The following MYO1E variants were observed in gnomAD, a reference collection of about 807,000 sequenced individuals.
The protein encoded by MYO1E is myosin IE.
In MYO1E, 68 loss-of-function variants were observed where a neutral mutation model predicts 151.1. The ratio of observed to expected loss-of-function variants is 0.45; its 90% CI spans 0.37 to 0.55. The LOEUF (loss-of-function observed/expected upper bound fraction) is 0.55. MYO1E is among the 20% of genes least tolerant of loss of function. The pLI is 0.00. For missense variants in MYO1E, 1,363 were observed against 1,389.3 expected (o/e 0.98, Z 0.30); for synonymous variants, 601 against 501.7 (o/e 1.20, Z -2.64).
chr15:59,287,999 C>T (rs147653657), intron 1 of MYO1E, among the ~76,000 whole-genome samples: 49 of 152,328 alleles, frequency 3.2e-4, no homozygotes, highest in Middle Eastern at 3.4e-3. Context: ...AGGCGCTCAG[C>T]GAGCCTGCCA....
chr15:59,259,562 A>C (rs1382921467), intron 3 of MYO1E, among the ~76,000 whole-genome samples: 1 of 152,208 alleles, frequency 6.6e-6, no homozygotes, highest in African/African-American at 2.4e-5. Flanking sequence ...GTGCACAAAC[A>C]ACATTAATGA....
chr15:59,149,058 T>G lies in MYO1E; in HGVS notation c.3080+4532A>C, dbSNP rs77658070. Reference sequence around the variant, plus strand: ...GAACTGTTTTTTTTTTTTTGTTTTTTTTTTTTTTTTTTTTTTGAGACAGAG... The same window carrying G: ...GAACTGTTTTTTTTTTTTTGTTTTTGTTTTTTTTTTTTTTTTGAGACAGAG... On this transcript the variant is annotated intron_variant, in intron 26 of 27. Coordinates refer to ENST00000288235, the MANE Select transcript of MYO1E (RefSeq NM_004998.4). Among the ~76,000 whole-genome samples, 123 of 139,778 alleles carry G rather than the reference T, an allele frequency of 8.8e-4. 2 individuals carry two copies. The highest frequency in any genetic ancestry group is 2.5e-3 in the South Asian group (11 of 4,370). 91.7% of individuals were successfully genotyped at this position (139,778 alleles called of 152,430 possible). A position where few individuals can be genotyped will look rare whatever the true frequency, so the allele number is the denominator to read the frequency against.
chr15:59,334,010 G>A (rs906536703), intron 1 of MYO1E, among the ~76,000 whole-genome samples: 2 of 152,142 alleles, frequency 1.3e-5, no homozygotes, highest in African/African-American at 4.8e-5. Flanking sequence ...AGAACCTCTC[G>A]TCAGTGGGGC....
At chr15:59,242,353 A>G (rs1174055021) in intron 4 of MYO1E, among the ~76,000 whole-genome samples, 4 of 152,226 alleles carry the variant, frequency 2.6e-5, no homozygotes, top group Non-Finnish European at 5.9e-5. Flanking sequence ...AAGGAAATGT[A>G]CAGTGACTGG....
At chr15:59,322,182 A>T (rs537413829) in intron 1 of MYO1E, among the ~76,000 whole-genome samples, 42 of 74,124 alleles carry the variant, frequency 5.7e-4, no homozygotes, top group African/African-American at 2.9e-3. Flanking sequence ...CTCAAAAATT[A>T]AAAAAAAAAA....
intron 26 of MYO1E, among the ~76,000 whole-genome samples, chr15:59,139,695 CCT>C (rs2079397632): frequency 1.3e-5 from 2 of 151,504 alleles, no homozygotes; most frequent in Admixed American, 1.3e-4. Flanking sequence ...CCCTCCTACC[CCT>C]CATTATTACT....
intron 22 of MYO1E, among the ~76,000 whole-genome samples, chr15:59,165,515 T>C (rs1252934675): frequency 1.1e-4 from 17 of 152,292 alleles, no homozygotes; most frequent in African/African-American, 3.8e-4. Flanking sequence ...CCTGTGATAG[T>C]TGGGATCAAG....
chr15:59,360,708 A>G (rs1385119832), intron 1 of MYO1E, among the ~76,000 whole-genome samples: 2 of 152,220 alleles, frequency 1.3e-5, no homozygotes, highest in African/African-American at 4.8e-5. Context: ...AAAGGACTTC[A>G]GCTCCGATTC....
intron 2 of MYO1E, among the ~76,000 whole-genome samples, chr15:59,262,339 T>G (rs2080228925): frequency 6.6e-6 from 1 of 152,040 alleles, no homozygotes; most frequent in Admixed American, 6.6e-5. Context: ...TCTGGCCAGG[T>G]GCAGTGGCTC....
At chr15:59,140,310 T>C (rs1311704342) in intron 26 of MYO1E, among the ~76,000 whole-genome samples, 1 of 152,232 alleles carries the variant, frequency 6.6e-6, no homozygotes, top group Non-Finnish European at 1.5e-5. Context: ...TAAGTTCAAC[T>C]TGTTCCTATT....
intron 16 of MYO1E, among the ~76,000 whole-genome samples, chr15:59,199,331 C>A (rs1005955871): frequency 5.3e-5 from 8 of 152,116 alleles, no homozygotes; most frequent in African/African-American, 1.9e-4. Context: ...GATCCAGCCA[C>A]CTCGGTCTCC....
In MYO1E at chr15:59,372,531, G is replaced by C. The variant is rs1328613974; in HGVS notation, c.-31C>G. On this transcript the variant is annotated 5_prime_UTR_variant, in exon 1 of 28. Coordinates refer to ENST00000288235, the MANE Select transcript of MYO1E (RefSeq NM_004998.4). ...CTCGCGCCGCGGTCGCGTCTTCGCC[G>C]GGTCCCGCTGCCGGGGAACTGGGGC... 6.5e-7 allele frequency: 1 copy of C among 1,535,344 alleles called. No homozygotes were observed. The highest frequency in any genetic ancestry group is 8.8e-7 in the Non-Finnish European group (1 of 1,140,700).
intron 18 of MYO1E, among the ~76,000 whole-genome samples, chr15:59,186,400 A>C (rs1276320306): frequency 5.9e-5 from 7 of 118,126 alleles, no homozygotes; most frequent in Non-Finnish European, 9.6e-5. Flanking sequence ...ATACAATCTG[A>C]ATTTTAAAAA....
At chr15:59,233,644 C>T (rs1404716893) in intron 5 of MYO1E, among the ~76,000 whole-genome samples, 3 of 120,208 alleles carry the variant, frequency 2.5e-5, no homozygotes, top group Non-Finnish European at 4.8e-5. Flanking sequence ...AGCCTGGCGA[C>T]AGAGCGAGAC....
At chr15:59,233,649 C>T (rs577116032) in intron 5 of MYO1E, among the ~76,000 whole-genome samples, 31 of 121,374 alleles carry the variant, frequency 2.6e-4, no homozygotes, top group Non-Finnish European at 4.5e-4. Flanking sequence ...GGCGACAGAG[C>T]GAGACTCCGT....
chr15:59,233,546 C>T (rs2080041446), intron 5 of MYO1E, among the ~76,000 whole-genome samples: 1 of 151,486 alleles, frequency 6.6e-6, no homozygotes, highest in Admixed American at 6.6e-5. Flanking sequence ...CGCCTGTAGT[C>T]CCAGCTACTC....
intron 6 of MYO1E, among the ~76,000 whole-genome samples, chr15:59,229,695 TG>T (rs2080014018): frequency 6.6e-6 from 1 of 151,690 alleles, no homozygotes; most frequent in Admixed American, 6.6e-5. Flanking sequence ...TGAAAAGATT[TG>T]TAAGTGTTAA....
chr15:59,296,768 T>G lies in MYO1E; in HGVS notation c.4-24319A>C, dbSNP rs144117633. Among the ~76,000 whole-genome samples the G allele has an allele frequency of 1.6e-3, 243 of 152,136 alleles. 4 individuals carry two copies. The highest frequency in any genetic ancestry group is 5.7e-3 in the African/African-American group (235 of 41,496). ...GAGTGCAGGACAATGAAGGTAGGGC[T>G]GTTTAAACCATCTATTTTTAAATTC... On this transcript the variant is annotated intron_variant, in intron 1 of 27. Coordinates refer to ENST00000288235, the MANE Select transcript of MYO1E (RefSeq NM_004998.4).
At chr15:59,248,700 G>C (rs2080145871) in intron 4 of MYO1E, among the ~76,000 whole-genome samples, 1 of 152,068 alleles carries the variant, frequency 6.6e-6, no homozygotes, top group Non-Finnish European at 1.5e-5. Flanking sequence ...GTCAGGACAG[G>C]AAAGTAAACA....
Sources: gnomAD v4.1 joint callset for allele counts (sites outside exome capture counted in the v4.1 genomes callset) on GRCh38, gnomAD v4.1.1 for gene constraint, MANE v1.5 for transcripts, NCBI Gene and HGNC (gene_info 2026-07-23, HGNC 2026-07-21) for gene names.